The following NEDD9 variants were observed in gnomAD, a reference collection of about 807,000 sequenced individuals.
NEDD9 encodes neural precursor cell expressed, developmentally down-regulated 9.
A neutral mutation model predicts 76.6 loss-of-function variants in NEDD9; 26 were observed. The observed-to-expected ratio is 0.34, with a 90% CI of 0.25 to 0.47. The LOEUF is 0.47. Among genes scored for constraint, NEDD9 ranks in the 20% least tolerant of loss-of-function variants. The probability of loss-of-function intolerance (pLI) is 1.00; values close to 1 mark genes in which losing one functional copy is unlikely to be tolerated. For synonymous variants in NEDD9, 392 were observed against 414.2 expected (o/e 0.95, Z 0.65); for missense variants, 937 against 1,058.5 (o/e 0.89, Z 1.59).
At chr6:11,364,509 G>A (rs1762729804) in intron 1 of NEDD9, among the ~76,000 whole-genome samples, 1 of 152,134 alleles carries the variant, frequency 6.6e-6, no homozygotes, top group Non-Finnish European at 1.5e-5. Flanking sequence ...GCTGATTCAT[G>A]GAGAGGTTAA....
At position 11,208,007 on chromosome 6, in the gene NEDD9, G is replaced by T. The variant is rs145042968; in HGVS notation, c.459+5274C>A. 3.3e-3 allele frequency among the ~76,000 whole-genome samples: 505 copies of T among 152,096 alleles called. 2 individuals are homozygous for T. Among genetic ancestry groups the T allele is most frequent in the Middle Eastern group, 6.8e-3 (2 of 294 alleles). ...AGCCTGGCCAACATGGCAAAACCCCGTCTCTACTAAAAGCACAAAAATTAG... is the reference window on the plus strand; with the variant it reads ...AGCCTGGCCAACATGGCAAAACCCCTTCTCTACTAAAAGCACAAAAATTAG... On this transcript the variant is annotated intron_variant, in intron 2 of 6. Coordinates refer to ENST00000379446, the MANE Select transcript of NEDD9 (RefSeq NM_006403.4).
At chr6:11,248,054 G>A (rs1337906253) in intron 3 of NEDD9, among the ~76,000 whole-genome samples, 1 of 151,850 alleles carries the variant, frequency 6.6e-6, no homozygotes, top group Non-Finnish European at 1.5e-5. Context: ...GTTAAAAAAA[G>A]CTCTTCATTT....
chr6:11,253,145 C>A (rs1348246174), intron 3 of NEDD9, among the ~76,000 whole-genome samples: 1 of 152,102 alleles, frequency 6.6e-6, no homozygotes, highest in Non-Finnish European at 1.5e-5. Flanking sequence ...CAAAAGAAAA[C>A]GCTTGGATTT....
chr6:11,185,519 C>G lies in NEDD9; in HGVS notation c.2148G>C (p.Glu716Asp). The change falls in exon 7 of 7, where the codon GAG (glutamate) becomes GAC (aspartate). Residue 716 changes from glutamate to aspartate, a missense_variant. Transcript: ENST00000379446. ...QLLCFYYDQC[E>D]THFISLLNAI... is the part of the protein sequence containing the mutation. ...CGTTGAGAAGGGAAATGAAATGGGT[C>G]TCACATTGGTCATAGTAGAAGCACA... The G allele has an allele frequency of 1.9e-6, 3 of 1,614,198 alleles. No homozygotes were observed. The highest frequency in any genetic ancestry group is 2.5e-6 in the Non-Finnish European group (3 of 1,180,040).
rs1554125468 is a variant in NEDD9, at chr6:11,213,231, T to TG, written c.459+49dup. 4.7e-6 allele frequency: 7 copies of TG among 1,504,096 alleles called. No individual in the cohort carries two copies. The highest frequency in any genetic ancestry group is 1.3e-5 in the South Asian group (1 of 76,872). The allele number at this position is 1,504,096 out of a possible 1,614,324, so 93.2% of individuals were successfully genotyped here. On this transcript the variant is annotated intron_variant, in intron 2 of 6. Coordinates refer to ENST00000379446, the MANE Select transcript of NEDD9 (RefSeq NM_006403.4). This position sits in a 1 kb window ranked among gnomAD's most constrained non-coding sequence, Gnocchi z 5.4. ...ACATTTCCAAATGCTCCAAGTGTAA[T>TG]GGGAAAAAAAAATAAGTAGGAACAA...
At chr6:11,277,172 C>T (rs1189073297) in intron 3 of NEDD9, among the ~76,000 whole-genome samples, 1 of 152,210 alleles carries the variant, frequency 6.6e-6, no homozygotes, top group Non-Finnish European at 1.5e-5. Flanking sequence ...ACCAGCCACT[C>T]TGAGCAATGT....
At chr6:11,216,987 C>CCATTGGTTTCACAGTTAGGGCA (rs1439959148) in intron 1 of NEDD9, among the ~76,000 whole-genome samples, 1 of 152,178 alleles carries the variant, frequency 6.6e-6, no homozygotes, top group African/African-American at 2.4e-5. Context: ...AATAGTGAAA[C>CCATTGGTTTCACAGTTAGGGCA]CATTGGTTGC....
At chr6:11,369,078 G>A (rs1445102060) in intron 1 of NEDD9, among the ~76,000 whole-genome samples, 1 of 152,186 alleles carries the variant, frequency 6.6e-6, no homozygotes, top group Non-Finnish European at 1.5e-5. Flanking sequence ...CAGGTGGGTG[G>A]TACAGGTTGG....
In NEDD9 at chr6:11,256,661, G is replaced by A. The variant is rs139969705; in HGVS notation, c.13-42934C>T. On this transcript the variant is annotated intron_variant, in intron 3 of 3. Transcript: ENST00000397378. Reference sequence around the variant, plus strand: ...TTTGTTTTTGTAGAGACAGGGTTTCGCCATGTTGCCCAGGTTGGTCTCAAA... The same window carrying A: ...TTTGTTTTTGTAGAGACAGGGTTTCACCATGTTGCCCAGGTTGGTCTCAAA... Among the ~76,000 whole-genome samples the A allele has an allele frequency of 3.9e-5, 6 of 152,088 alleles. No homozygotes were observed. The East Asian group carries it at 9.7e-4, about 24-fold the overall frequency.
At chr6:11,360,038 A>G (rs1762650928) in intron 1 of NEDD9, among the ~76,000 whole-genome samples, 1 of 152,246 alleles carries the variant, frequency 6.6e-6, no homozygotes, top group African/African-American at 2.4e-5. Flanking sequence ...TAAACTGTCC[A>G]TCTGTGGGAG....
intron 2 of NEDD9, among the ~76,000 whole-genome samples, chr6:11,201,982 G>C (rs1367408774): frequency 6.6e-6 from 1 of 152,204 alleles, no homozygotes; most frequent in Non-Finnish European, 1.5e-5. Flanking sequence ...TCAGCTTCTT[G>C]TGTCCTTCCC....
rs779105296 is a variant in NEDD9 at position 11,190,054 on chromosome 6, T to C, written c.1815A>G (p.Pro605=). 1.9e-6 allele frequency: 3 copies of C among 1,589,868 alleles called. No homozygotes were observed. The South Asian group carries it at 3.5e-5, about 18-fold the overall frequency. ...CAGGGGCCTGCTCCTTGCTCAGGCC[T>C]GGGGGCAGTGCCTTGTTGTGGGCCT... ...KAQAHNKALP[P]GLSKEQAPDC... The change falls in exon 5 of 7, where the codon CCA becomes CCG. Residue 605 remains proline (P), a synonymous_variant. Transcript: ENST00000379446. The surrounding 1 kb of genome is among the most constrained non-coding windows in gnomAD (Gnocchi z 5.8).
At chr6:11,224,100 G>T (rs997850678) in intron 1 of NEDD9, among the ~76,000 whole-genome samples, 2 of 152,114 alleles carry the variant, frequency 1.3e-5, no homozygotes, top group African/African-American at 4.8e-5. Context: ...AAATATTTTT[G>T]AAACCAACAA....
chr6:11,235,694 TCCAG>T (rs1281799677), upstream of NEDD9, among the ~76,000 whole-genome samples: 1 of 152,162 alleles, frequency 6.6e-6, no homozygotes, highest in Non-Finnish European at 1.5e-5. This position sits in a 1 kb window ranked among gnomAD's most constrained non-coding sequence, Gnocchi z 4.1. Context: ...GTTTCAGGGA[TCCAG>T]CCACTCAGAG....
intron 1 of NEDD9, among the ~76,000 whole-genome samples, chr6:11,225,067 A>C (rs902481627): frequency 6.6e-6 from 1 of 152,202 alleles, no homozygotes; most frequent in Non-Finnish European, 1.5e-5. Context: ...GCAACTTTCT[A>C]CTGGGTTTCA....
chr6:11,361,761 T>C (rs941241701), intron 1 of NEDD9, among the ~76,000 whole-genome samples: 3 of 152,134 alleles, frequency 2.0e-5, no homozygotes, highest in Non-Finnish European at 4.4e-5. Context: ...AGAACACCTA[T>C]ACAATCTAAT....
At position 11,190,309 on chromosome 6, in the gene NEDD9, C is replaced by A. The variant is rs1195281173; in HGVS notation, c.1560G>T (p.Lys520Asn). 2.5e-6 allele frequency: 4 copies of A among 1,614,120 alleles called. No individual in the cohort carries two copies. In the African/African-American group the frequency reaches 4.0e-5, roughly 16 times the overall value. The change falls in exon 5 of 7, where the codon AAG becomes AAT. Residue 520 changes from lysine (K) to asparagine (N), a missense_variant. Lys to Asn is a moderately conservative substitution (Grantham distance 94, BLOSUM62 0). Transcript: ENST00000379446. This position sits in a 1 kb window ranked among gnomAD's most constrained non-coding sequence, Gnocchi z 5.8. ...SWSLNILAIN[K>N]PQNKCDDLDR... The stretch of plus-strand genomic sequence containing the variant: ...CCAGATCGTCACACTTGTTCTGGGG[C>A]TTGTTGATGGCCAAGATATTCAGGG...
chr6:11,215,789 A>G (rs1467746664), intron 1 of NEDD9, among the ~76,000 whole-genome samples: 1 of 152,212 alleles, frequency 6.6e-6, no homozygotes, highest in Admixed American at 6.5e-5. Context: ...GTAGCTGTGC[A>G]ATTATACTGG....
intron 3 of NEDD9, among the ~76,000 whole-genome samples, chr6:11,253,146 G>A (rs1006062404): frequency 5.9e-5 from 9 of 152,220 alleles, no homozygotes; most frequent in African/African-American, 2.2e-4. Context: ...AAAAGAAAAC[G>A]CTTGGATTTT....
Sources: allele counts gnomAD v4.1 joint callset (sites outside exome capture counted in the v4.1 genomes callset), GRCh38; gene constraint gnomAD v4.1.1; non-coding constraint Gnocchi (gnomAD v3.1); transcripts MANE v1.5; gene names NCBI Gene and HGNC (gene_info 2026-07-23, HGNC 2026-07-21).